MYO10: variants seen among roughly 807,000 people sequenced by gnomAD.
The protein encoded by MYO10 is myosin X, also known as unconventional myosin-X.
MYO10 carries 133 observed loss-of-function variants against 257.3 expected under a neutral mutation model. The ratio of observed to expected loss-of-function variants is 0.52; its 90% CI spans 0.45 to 0.60. MYO10 has a LOEUF of 0.60. MYO10 is among the 20% of genes least tolerant of loss of function. The pLI is 0.00. For synonymous variants in MYO10, 1,104 were observed against 1,028.6 expected (o/e 1.07, Z -1.40); for missense variants, 2,399 against 2,635.7 (o/e 0.91, Z 1.97).
At chr5:16,902,148 T>A in intron 1 of MYO10, 2 of 562,112 alleles carry the variant, frequency 3.6e-6, no homozygotes, top group South Asian at 4.5e-5. Context: ...CAGATTCAAG[T>A]GATTCTCCTG....
chr5:16,726,200 C>G (rs1739361452), intron 19 of MYO10, among the ~76,000 whole-genome samples: 1 of 152,142 alleles, frequency 6.6e-6, no homozygotes, highest in African/African-American at 2.4e-5. Flanking sequence ...TATTAGTGGC[C>G]ACTATGGTCA....
At chr5:16,859,869 C>T (rs1444951666) in intron 2 of MYO10, among the ~76,000 whole-genome samples, 2 of 152,194 alleles carry the variant, frequency 1.3e-5, no homozygotes, top group Non-Finnish European at 2.9e-5. Flanking sequence ...TGGCCCACCC[C>T]CACCCAGGGC....
intron 19 of MYO10, among the ~76,000 whole-genome samples, chr5:16,746,908 C>T (rs530165573): frequency 1.1e-4 from 16 of 152,278 alleles, no homozygotes; most frequent in Admixed American, 6.5e-4. Context: ...CCAGAAAGTT[C>T]CATCTCAATG....
chr5:16,881,499 A>C (rs889220880), intron 1 of MYO10, among the ~76,000 whole-genome samples: 3 of 152,188 alleles, frequency 2.0e-5, no homozygotes, highest in Non-Finnish European at 4.4e-5. Context: ...CTTTTACAAA[A>C]TCCAGCCCAG....
At chr5:16,689,968 G>A in intron 27 of MYO10, 49 bp from the exon 28 acceptor site, 2 of 1,352,340 alleles carry the variant, frequency 1.5e-6, no homozygotes, top group Non-Finnish European at 2.1e-6. Context: ...ACCAAATTCT[G>A]AATAACTGAG....
rs114077344 is a variant in MYO10 at position 16,732,680 on chromosome 5, G to A, written c.1930-21435C>T. On this transcript the variant is annotated intron_variant, in intron 19 of 40. Transcript: ENST00000513610. ...ACACGATCACTAAGGTTATGTCCAC[G>A]CAGTGAGGACTGAGCAAGAAAAAGA... Among the ~76,000 whole-genome samples the A allele has an allele frequency of 3.3e-3, 500 of 152,266 alleles. 2 individuals are homozygous for A. Among genetic ancestry groups the A allele is most frequent in the African/African-American group, 0.011 (474 of 41,544 alleles).
intron 1 of MYO10, among the ~76,000 whole-genome samples, chr5:16,921,343 CT>C (rs1342205808): frequency 6.6e-6 from 1 of 151,936 alleles, no homozygotes; most frequent in African/African-American, 2.4e-5. Context: ...GGGAAAGGAA[CT>C]AAAAAAGCAC....
chr5:16,751,412 C>T (rs1694912273), intron 19 of MYO10, among the ~76,000 whole-genome samples: 1 of 152,192 alleles, frequency 6.6e-6, no homozygotes, highest in South Asian at 2.1e-4. Context: ...TCTCCATCTA[C>T]CATCACACCT....
intron 1 of MYO10, among the ~76,000 whole-genome samples, chr5:16,914,664 A>T (rs1482414212): frequency 1.3e-5 from 2 of 152,228 alleles, no homozygotes; most frequent in Non-Finnish European, 2.9e-5. Context: ...AGACATGAAA[A>T]TAACCTTGAG....
chr5:16,676,101 G>C lies in MYO10; in HGVS notation c.4596C>G (p.Ile1532Met). ...GCAAGGGGTGATGGGTGTATCGAAG[G>C]ATCGGGTTCCGCTTGTAAATCTGTT... ...VVEQIYKRNP[I>M]LRYTHHPLHS... Residue 1532 changes from isoleucine (I) to methionine (M), a missense_variant, in exon 34 of 41, where the codon ATC becomes ATG. By Grantham distance (10) the Ile-to-Met change is conservative. Around this residue, in one of 3 missense-constraint regions of MYO10, gnomAD observed 1,820 missense variants for 1,939.4 expected, o/e 0.94. Coordinates refer to ENST00000513610, the MANE Select transcript of MYO10 (RefSeq NM_012334.3). The C allele has an allele frequency of 6.2e-7, 1 of 1,613,570 alleles. No individual in the cohort carries two copies. The highest frequency in any genetic ancestry group is 8.5e-7 in the Non-Finnish European group (1 of 1,179,758).
At chr5:16,809,996 T>C (rs899869562) in intron 3 of MYO10, among the ~76,000 whole-genome samples, 6 of 152,240 alleles carry the variant, frequency 3.9e-5, no homozygotes, top group African/African-American at 1.4e-4. Flanking sequence ...CCACAATCCC[T>C]GTAATGAAGA....
intron 2 of MYO10, among the ~76,000 whole-genome samples, chr5:16,848,180 G>T (rs557624540): frequency 1.3e-5 from 1 of 76,478 alleles, no homozygotes; most frequent in Non-Finnish European, 2.3e-5. Flanking sequence ...TTTTGTGAGA[G>T]AGAGTTTTGC....
intron 3 of MYO10, among the ~76,000 whole-genome samples, chr5:16,808,326 A>T (rs2126694836): frequency 6.6e-6 from 1 of 152,292 alleles, no homozygotes; most frequent in East Asian, 1.9e-4. Flanking sequence ...ACAAAAAATT[A>T]GCTGGCTGTG....
chr5:16,935,879 G>A lies in MYO10; in HGVS notation c.-71C>T. On this transcript the variant is annotated 5_prime_UTR_variant, in exon 1 of 41. Transcript: ENST00000513610. The stretch of plus-strand genomic sequence containing the variant: ...GGAAGTCAGCGCCGCCGCGGGTCCG[G>A]GGAAACCATGCGTGTCACGGCGCCA... 2 of 1,584,218 alleles carry A rather than the reference G, an allele frequency of 1.3e-6. No individual in the cohort carries two copies. Among genetic ancestry groups the A allele is most frequent in the Non-Finnish European group, 1.7e-6 (2 of 1,163,704 alleles).
intron 34 of MYO10, 96 bp from the exon 35 acceptor site, chr5:16,675,246 G>C: frequency 1.5e-6 from 2 of 1,316,538 alleles, no homozygotes; most frequent in Non-Finnish European, 2.1e-6. Context: ...GAATAAATGA[G>C]GAGGACGGAT....
chr5:16,823,456 G>GA (rs1226952661), intron 2 of MYO10, among the ~76,000 whole-genome samples: 4 of 22,764 alleles, frequency 1.8e-4, no homozygotes, highest in African/African-American at 5.3e-4. Flanking sequence ...CGCGGGGGGG[G>GA]GGGGAGTGGG....
chr5:16,908,404 T>G (rs1383248082), intron 1 of MYO10, among the ~76,000 whole-genome samples: 1 of 152,244 alleles, frequency 6.6e-6, no homozygotes, highest in East Asian at 1.9e-4. Context: ...GGCACACACC[T>G]GTAATCCCAG....
chr5:16,762,719 T>C (rs1441661975), intron 14 of MYO10, 82 bp from the exon 15 acceptor site: 2 of 1,052,772 alleles, frequency 1.9e-6, no homozygotes, highest in African/African-American at 3.2e-5. Flanking sequence ...ATTCCAGCAC[T>C]TTGGGAAGCC....
At chr5:16,667,711 C>T (rs914304705) in intron 40 of MYO10, among the ~76,000 whole-genome samples, 9 of 152,176 alleles carry the variant, frequency 5.9e-5, no homozygotes, top group African/African-American at 2.2e-4. Context: ...GATTCCTCTC[C>T]ACTCACCACG....
Sources: gnomAD v4.1 joint callset for allele counts (sites outside exome capture counted in the v4.1 genomes callset) on GRCh38, gnomAD v4.1.1 for gene constraint, gnomAD v4.1.1 regional missense constraint, MANE v1.5 for transcripts, NCBI Gene and HGNC (gene_info 2026-07-23, HGNC 2026-07-21) for gene names.